TENM3: variants seen among roughly 807,000 people sequenced by gnomAD.
The protein encoded by TENM3 is teneurin transmembrane protein 3.
TENM3 carries 63 observed loss-of-function variants against 255.1 expected under a neutral mutation model. The ratio of observed to expected loss-of-function variants is 0.25; its 90% CI spans 0.20 to 0.30. TENM3 has a LOEUF of 0.30. Ranked by LOEUF, TENM3 falls within the 10% of genes least tolerant of loss-of-function variation. The pLI, the probability that TENM3 is intolerant of heterozygous loss-of-function variation, is 1.00. For missense variants in TENM3, 2,929 were observed against 3,461.1 expected (o/e 0.85, Z 3.86); for synonymous variants, 1,306 against 1,322.3 (o/e 0.99, Z 0.27).
At chr4:181,619,256 C>CT in the TENM3 span, among the ~76,000 whole-genome samples, 1 of 152,192 alleles carries the variant, frequency 6.6e-6, no homozygotes, top group South Asian at 2.1e-4. Flanking sequence ...GCTGGTTTCC[C>CT]CAAGCCCTGT....
At chr4:182,437,485 CA>C (rs1306699070) in intron 3 of TENM3, among the ~76,000 whole-genome samples, 3 of 2,822 alleles carry the variant, frequency 1.1e-3, no homozygotes, top group Admixed American at 0.016. Context: ...CTTGTCTCTA[CA>C]AAAAATACAA....
chr4:182,761,600 ATACACACACACACACT>A (rs1425437190), intron 22 of TENM3, among the ~76,000 whole-genome samples: 2 of 152,052 alleles, frequency 1.3e-5, no homozygotes, highest in Admixed American at 6.6e-5. Flanking sequence ...GTATATATGT[ATACACACACACACACT>A]TATACACACA....
At chr4:182,776,896 G>A (rs1319700286) in intron 24 of TENM3, among the ~76,000 whole-genome samples, 1 of 152,198 alleles carries the variant, frequency 6.6e-6, no homozygotes, top group Non-Finnish European at 1.5e-5. Flanking sequence ...ACTGAAAGGA[G>A]ATTTCCAGCT....
intron 26 of TENM3, 63 bp from the exon 27 acceptor site, chr4:182,796,574 T>G: frequency 7.0e-7 from 1 of 1,423,814 alleles, no homozygotes; most frequent in Non-Finnish European, 9.3e-7. Flanking sequence ...AAGGTAAGAA[T>G]TTAAATTTAT....
chr4:182,292,626 G>T (rs1463612757), intron 1 of TENM3, among the ~76,000 whole-genome samples: 1 of 152,162 alleles, frequency 6.6e-6, no homozygotes, highest in Non-Finnish European at 1.5e-5. Flanking sequence ...AATGCTTCAT[G>T]CTTTGATCTC....
intron 3 of TENM3, among the ~76,000 whole-genome samples, chr4:182,394,652 A>T (rs1419016877): frequency 6.6e-6 from 1 of 152,200 alleles, no homozygotes; most frequent in African/African-American, 2.4e-5. Context: ...ATTTTATGCC[A>T]TCCTTTCCAC....
chr4:182,036,231 G>A, the TENM3 span, among the ~76,000 whole-genome samples: 1,953 of 151,820 alleles, frequency 0.013, 45 homozygotes, highest in African/African-American at 0.044. Context: ...TTGCTCTATC[G>A]CCCAGGCTGG....
At chr4:182,204,515 A>T (rs1000737268) in intron 1 of TENM3, among the ~76,000 whole-genome samples, 31 of 152,190 alleles carry the variant, frequency 2.0e-4, no homozygotes, top group Middle Eastern at 3.2e-3. Flanking sequence ...ATTTTATTAG[A>T]CACTGTATAC....
intron 3 of TENM3, among the ~76,000 whole-genome samples, chr4:182,501,118 C>G (rs1736271373): frequency 1.3e-5 from 2 of 152,080 alleles, no homozygotes; most frequent in Admixed American, 1.3e-4. Flanking sequence ...ATTTAATCCA[C>G]TCTTAAAATT....
chr4:181,695,261 C>T, the TENM3 span, among the ~76,000 whole-genome samples: 9 of 152,060 alleles, frequency 5.9e-5, no homozygotes, highest in African/African-American at 2.2e-4. Flanking sequence ...CCTCTCTGTC[C>T]CTCAAACTCT....
At chr4:182,533,538 C>CAAAAA (rs776649364) in intron 3 of TENM3, among the ~76,000 whole-genome samples, 1 of 90,010 alleles carries the variant, frequency 1.1e-5, no homozygotes, top group Non-Finnish European at 2.3e-5. Flanking sequence ...GACCCTATCT[C>CAAAAA]AAAAAAAAAA....
chr4:182,020,237 G>T, the TENM3 span, among the ~76,000 whole-genome samples: 1 of 151,758 alleles, frequency 6.6e-6, no homozygotes, highest in African/African-American at 2.4e-5. Context: ...GTGGTGGTGG[G>T]AGCCTGTAAT....
chr4:182,535,080 C>T (rs1239013508), intron 3 of TENM3, among the ~76,000 whole-genome samples: 2 of 152,138 alleles, frequency 1.3e-5, no homozygotes, highest in Non-Finnish European at 2.9e-5. Flanking sequence ...AGAGATGTAG[C>T]CTTTTAATAC....
At chr4:182,435,143 A>G (rs1771950758) in intron 3 of TENM3, among the ~76,000 whole-genome samples, 1 of 152,132 alleles carries the variant, frequency 6.6e-6, no homozygotes, top group African/African-American at 2.4e-5. Context: ...GGTGAGGAGA[A>G]GTGTTTGTCA....
At chr4:181,628,342 A>T in the TENM3 span, among the ~76,000 whole-genome samples, 1 of 152,028 alleles carries the variant, frequency 6.6e-6, no homozygotes, top group South Asian at 2.1e-4. Flanking sequence ...GTTTAATTAG[A>T]TCCCATTTGT....
chr4:182,715,100 T>C (rs1397098717), intron 13 of TENM3, among the ~76,000 whole-genome samples: 1 of 152,172 alleles, frequency 6.6e-6, no homozygotes, highest in Non-Finnish European at 1.5e-5. Context: ...GTCAGGCTGG[T>C]CCCAAACTCC....
At chr4:182,417,515 G>GCTAA (rs1343909143) in intron 3 of TENM3, among the ~76,000 whole-genome samples, 1 of 151,620 alleles carries the variant, frequency 6.6e-6, no homozygotes, top group African/African-American at 2.4e-5. Context: ...TTTGTAGTTT[G>GCTAA]CTAACATCAA....
chr4:181,615,392 T>C, the TENM3 span, among the ~76,000 whole-genome samples: 1 of 152,224 alleles, frequency 6.6e-6, no homozygotes, highest in African/African-American at 2.4e-5. Flanking sequence ...TATCACTTAA[T>C]GAATATCCCA....
At chr4:181,609,489 T>G in the TENM3 span, among the ~76,000 whole-genome samples, 732 of 152,316 alleles carry the variant, frequency 4.8e-3, 10 homozygotes, top group African/African-American at 0.017. Context: ...TTGTCTGACC[T>G]TTTTCTAGGA....
Sources: gnomAD v4.1 joint callset for allele counts (sites outside exome capture counted in the v4.1 genomes callset) on GRCh38, gnomAD v4.1.1 for gene constraint, MANE v1.5 for transcripts, NCBI Gene and HGNC (gene_info 2026-07-23, HGNC 2026-07-21) for gene names.